DOK6: variants seen among roughly 807,000 people sequenced by gnomAD.
DOK6 encodes the protein downstream of tyrosine kinase 6.
DOK6 carries 22 observed loss-of-function variants against 44.0 expected under a neutral mutation model. That is an observed-to-expected ratio of 0.50 (90% CI 0.36 to 0.71). The LOEUF (loss-of-function observed/expected upper bound fraction) is 0.71. DOK6 is among the 30% of genes least tolerant of loss of function. The pLI, the probability that DOK6 is intolerant of heterozygous loss-of-function variation, is 0.00. For missense variants in DOK6, 340 were observed against 416.4 expected (o/e 0.82, Z 1.60); for synonymous variants, 166 against 145.5 (o/e 1.14, Z -1.01).
chr18:69,507,262 T>C (rs58773535), intron 1 of DOK6, among the ~76,000 whole-genome samples: 8,709 of 151,740 alleles, frequency 0.057, 330 homozygotes, highest in East Asian at 0.1. Flanking sequence ...CTCCTGACCT[T>C]GTGATCCGCC....
At chr18:69,802,786 G>C (rs1296571469) in intron 7 of DOK6, among the ~76,000 whole-genome samples, 1 of 152,116 alleles carries the variant, frequency 6.6e-6, no homozygotes, top group Non-Finnish European at 1.5e-5. Context: ...AACAGATGCT[G>C]GCACCATGCT....
intron 5 of DOK6, among the ~76,000 whole-genome samples, chr18:69,702,462 A>G (rs1303131198): frequency 1.3e-5 from 2 of 152,210 alleles, no homozygotes; most frequent in Non-Finnish European, 2.9e-5. Flanking sequence ...CTTCAATTGA[A>G]GTGAGGAAAT....
At chr18:69,563,314 A>T (rs1345793631) in intron 1 of DOK6, among the ~76,000 whole-genome samples, 1 of 152,112 alleles carries the variant, frequency 6.6e-6, no homozygotes, top group Non-Finnish European at 1.5e-5. Flanking sequence ...TATACCCAAA[A>T]GATTATAAAT....
intron 5 of DOK6, among the ~76,000 whole-genome samples, chr18:69,733,857 T>C (rs1258560298): frequency 1.3e-5 from 2 of 152,184 alleles, no homozygotes; most frequent in Admixed American, 6.5e-5. Flanking sequence ...TCTTCAGTAG[T>C]TGAATTTCTA....
At chr18:69,811,400 A>T (rs2145115652) in intron 7 of DOK6, among the ~76,000 whole-genome samples, 2 of 151,766 alleles carry the variant, frequency 1.3e-5, no homozygotes, top group East Asian at 1.9e-4. Context: ...CAACATGATA[A>T]CTATAGTTAA....
At chr18:69,825,657 G>C (rs1375068971) in intron 7 of DOK6, among the ~76,000 whole-genome samples, 1 of 151,186 alleles carries the variant, frequency 6.6e-6, no homozygotes, top group South Asian at 2.1e-4. Flanking sequence ...GGATGGTCTC[G>C]ATCAATCATA....
At chr18:69,475,889 A>G (rs1980247115) in intron 1 of DOK6, among the ~76,000 whole-genome samples, 1 of 152,116 alleles carries the variant, frequency 6.6e-6, no homozygotes, top group Non-Finnish European at 1.5e-5. Flanking sequence ...TTATTATTTT[A>G]TTGTTTTAAC....
chr18:69,493,013 C>T (rs1398079359), intron 1 of DOK6, among the ~76,000 whole-genome samples: 1 of 151,872 alleles, frequency 6.6e-6, no homozygotes, highest in East Asian at 1.9e-4. Context: ...AACTTATTGT[C>T]ACAGCAAATG....
At chr18:69,424,668 A>T (rs1358647982) in intron 1 of DOK6, among the ~76,000 whole-genome samples, 1 of 152,136 alleles carries the variant, frequency 6.6e-6, no homozygotes, top group Admixed American at 6.6e-5. Flanking sequence ...TCTTTACAAC[A>T]ACATAAAGCT....
At chr18:69,464,749 G>GA (rs1979880034) in intron 1 of DOK6, among the ~76,000 whole-genome samples, 1 of 152,278 alleles carries the variant, frequency 6.6e-6, no homozygotes, top group East Asian at 1.9e-4. Flanking sequence ...GTAAACTACA[G>GA]AATGTATTTA....
intron 3 of DOK6, among the ~76,000 whole-genome samples, chr18:69,607,624 A>G (rs1341285806): frequency 1.3e-5 from 2 of 152,184 alleles, no homozygotes; most frequent in East Asian, 3.8e-4. Context: ...CTTTTGGAGT[A>G]GGGAAAATTA....
intron 3 of DOK6, among the ~76,000 whole-genome samples, chr18:69,631,050 T>G (rs1984679305): frequency 6.6e-6 from 1 of 152,170 alleles, no homozygotes; most frequent in Admixed American, 6.6e-5. Flanking sequence ...AGATACTTAT[T>G]TGCCAGGATA....
At chr18:69,531,620 C>T (rs987785691) in intron 1 of DOK6, among the ~76,000 whole-genome samples, 11 of 152,000 alleles carry the variant, frequency 7.2e-5, no homozygotes, top group Admixed American at 5.3e-4. Context: ...AATTATTTCC[C>T]TTCCTCCTCA....
At position 69,625,600 on chromosome 18, in the gene DOK6, C is replaced by T. The variant is rs1013806763; in HGVS notation, c.289+26102C>T. ...ATGTGTGTAAGTTCAAATCAAGAAG[C>T]GTTCAAGTCTTATGAAGTCTGTTTG... On this transcript the variant is annotated intron_variant, in intron 3 of 7. Coordinates refer to ENST00000382713, the MANE Select transcript of DOK6 (RefSeq NM_152721.6). Among the ~76,000 whole-genome samples, 11 of 152,290 alleles carry T rather than the reference C, an allele frequency of 7.2e-5. No individual in the cohort carries two copies. The East Asian group carries it at 1.5e-3, about 21-fold the overall frequency.
At chr18:69,664,619 G>A (rs1028124832) in intron 3 of DOK6, among the ~76,000 whole-genome samples, 3 of 152,064 alleles carry the variant, frequency 2.0e-5, no homozygotes, top group South Asian at 2.1e-4. Context: ...TTCCTCCCAC[G>A]TACTAACTGC....
chr18:69,667,179 CCTT>C (rs774215503), intron 3 of DOK6, among the ~76,000 whole-genome samples: 1 of 152,170 alleles, frequency 6.6e-6, no homozygotes, highest in Non-Finnish European at 1.5e-5. Flanking sequence ...CTTTCCAACT[CCTT>C]CTCATGCCCC....
At position 69,845,987 on chromosome 18, in the gene DOK6, T is replaced by C. The variant is rs538180352; in HGVS notation, c.*4604T>C. The C allele has an allele frequency of 9.9e-5, 15 of 152,230 alleles. No individual in the cohort carries two copies. Among genetic ancestry groups the C allele is most frequent in the Non-Finnish European group, 1.6e-4 (11 of 68,046 alleles). The allele number at this position is 152,230 out of a possible 1,614,324, so 9.4% of individuals were successfully genotyped here. ...TGAGACTGGTGTGCGGGGCTGGATC[T>C]GTGAGACAAGCTCACACTCTCATGT... On this transcript the variant is annotated 3_prime_UTR_variant, in exon 8 of 8. Transcript: ENST00000382713.
chr18:69,637,134 A>T (rs1350327690), intron 3 of DOK6, among the ~76,000 whole-genome samples: 1 of 152,220 alleles, frequency 6.6e-6, no homozygotes, highest in Non-Finnish European at 1.5e-5. Flanking sequence ...GCACCCTGTG[A>T]TCTGTCTTAA....
chr18:69,769,924 G>C (rs1219541799), intron 7 of DOK6, among the ~76,000 whole-genome samples: 1 of 152,098 alleles, frequency 6.6e-6, no homozygotes, highest in Non-Finnish European at 1.5e-5. Context: ...ATTTCAAACA[G>C]ATTGCATGGT....
Sources: gnomAD v4.1 joint callset for allele counts (sites outside exome capture counted in the v4.1 genomes callset) on GRCh38, gnomAD v4.1.1 for gene constraint, MANE v1.5 for transcripts, NCBI Gene and HGNC (gene_info 2026-07-23, HGNC 2026-07-21) for gene names.